Variants in CEP128 observed in about 807,000 individuals in gnomAD.
The protein encoded by CEP128 is centrosomal protein 128.
In CEP128, 132 loss-of-function variants were observed where a neutral mutation model predicts 156.7. That is an observed-to-expected ratio of 0.84 (90% CI 0.73 to 0.97). The LOEUF is 0.97. Ranked by LOEUF, CEP128 falls within the 50% of genes least tolerant of loss-of-function variation. The pLI, the probability that CEP128 is intolerant of heterozygous loss-of-function variation, is 0.00. For synonymous variants in CEP128, 469 were observed against 448.9 expected, an observed-to-expected ratio of 1.04 and a Z score of -0.57; for missense variants, 1,252 against 1,281.9, an observed-to-expected ratio of 0.98 and a Z score of 0.36.
At position 80,510,373 on chromosome 14, in the gene CEP128, C is replaced by T. The variant is rs571008950; in HGVS notation, c.3073-5353G>A. The stretch of plus-strand genomic sequence containing the variant: ...TGTCTATTCCTAGGTATCTTCTTTG[C>T]GGGTATTGTAAATAGGATTCCTTTT... On this transcript the variant is annotated intron_variant, in intron 23 of 24. Transcript: ENST00000555265. Among the ~76,000 whole-genome samples the T allele has an allele frequency of 3.4e-4, 52 of 152,072 alleles. No homozygotes were observed. The South Asian group carries it at 6.8e-3, about 20-fold the overall frequency.
At chr14:80,621,616 T>C (rs1393209528) in intron 19 of CEP128, among the ~76,000 whole-genome samples, 3 of 152,260 alleles carry the variant, frequency 2.0e-5, no homozygotes, top group East Asian at 1.9e-4. Flanking sequence ...ATTAGAAAAT[T>C]AGAAAGACTA....
intron 19 of CEP128, among the ~76,000 whole-genome samples, chr14:80,592,671 C>T (rs1022987669): frequency 3.9e-5 from 6 of 152,134 alleles, no homozygotes; most frequent in Admixed American, 6.5e-5. Flanking sequence ...CATCCTGATA[C>T]GAAAACCAGG....
chr14:80,561,063 C>A (rs949962622), intron 20 of CEP128, among the ~76,000 whole-genome samples: 2 of 152,192 alleles, frequency 1.3e-5, no homozygotes, highest in Admixed American at 6.5e-5. Context: ...TTGGCCCCTA[C>A]TGGCATTCTC....
At chr14:80,722,736 G>C (rs1326558185) in intron 19 of CEP128, among the ~76,000 whole-genome samples, 1 of 151,114 alleles carries the variant, frequency 6.6e-6, no homozygotes, top group Non-Finnish European at 1.5e-5. Flanking sequence ...ATACCCAACT[G>C]ACAATTAAGC....
At chr14:80,637,146 A>G (rs1219240710) in intron 19 of CEP128, among the ~76,000 whole-genome samples, 1 of 152,038 alleles carries the variant, frequency 6.6e-6, no homozygotes, top group East Asian at 1.9e-4. Context: ...GCCTGCTTAA[A>G]ACCCTGCAAT....
upstream of CEP128, among the ~76,000 whole-genome samples, chr14:80,946,695 G>A (rs17111270): frequency 0.54 from 81,611 of 151,960 alleles, 22,568 homozygotes; most frequent in East Asian, 0.68. Flanking sequence ...AAGAAGCTGT[G>A]GGTGGCAGAC....
chr14:80,672,641 T>C (rs1895890571), intron 19 of CEP128, among the ~76,000 whole-genome samples: 3 of 152,210 alleles, frequency 2.0e-5, no homozygotes, highest in Admixed American at 1.3e-4. Context: ...CACATATTCA[T>C]GCCTATTAAA....
At chr14:80,674,372 T>C (rs1003762344) in intron 19 of CEP128, among the ~76,000 whole-genome samples, 5 of 152,180 alleles carry the variant, frequency 3.3e-5, no homozygotes, top group Non-Finnish European at 5.9e-5. Context: ...ATCACATTAT[T>C]ATAATGCTTT....
intron 2 of CEP128, among the ~76,000 whole-genome samples, chr14:80,956,914 CA>C (rs1594885920): frequency 6.6e-6 from 1 of 152,146 alleles, no homozygotes; most frequent in Non-Finnish European, 1.5e-5. Context: ...ATGCTGCCAC[CA>C]CAGAATAAGA....
chr14:80,658,222 T>C (rs1263321099), intron 19 of CEP128, among the ~76,000 whole-genome samples: 1 of 152,200 alleles, frequency 6.6e-6, no homozygotes, highest in African/African-American at 2.4e-5. Context: ...ATGGCAACTA[T>C]GGAAGGATTA....
chr14:80,683,373 G>A (rs190740689), intron 19 of CEP128, among the ~76,000 whole-genome samples: 1 of 152,088 alleles, frequency 6.6e-6, no homozygotes, highest in East Asian at 1.9e-4. Flanking sequence ...TGACAAAGAA[G>A]GATGGTACAT....
At chr14:80,876,597 C>CA (rs11419599) in intron 8 of CEP128, among the ~76,000 whole-genome samples, 69,858 of 135,788 alleles carry the variant, frequency 0.51, 17,331 homozygotes, top group African/African-American at 0.58. Context: ...ACTCCCATTT[C>CA]AAAAAAAAAA....
chr14:80,950,148 G>A (rs1458391274), intron 2 of CEP128, among the ~76,000 whole-genome samples: 1 of 152,108 alleles, frequency 6.6e-6, no homozygotes, highest in Non-Finnish European at 1.5e-5. Flanking sequence ...TGACAGAGGA[G>A]AGATTGCAGT....
chr14:80,790,604 G>A lies in CEP128; in HGVS notation c.1560+2156C>T, dbSNP rs192749298. 1.1e-4 allele frequency among the ~76,000 whole-genome samples: 17 copies of A among 151,592 alleles called. No individual in the cohort carries two copies. In the East Asian group the frequency reaches 3.3e-3, roughly 29 times the overall value. On this transcript the variant is annotated intron_variant, in intron 14 of 24. Transcript: ENST00000555265. ...TTTTTTTTCCCCTGCAGTGATACGC[G>A]ATTTGATATTACACATCCTTCAGTA...
intron 14 of CEP128, 78 bp from the exon 15 acceptor site, chr14:80,785,623 A>G: frequency 9.4e-7 from 1 of 1,060,566 alleles, no homozygotes; most frequent in Non-Finnish European, 1.3e-6. Flanking sequence ...GCCAGTCAGC[A>G]AAACAATGTT....
intron 13 of CEP128, among the ~76,000 whole-genome samples, chr14:80,807,712 C>G (rs1479961633): frequency 6.6e-6 from 1 of 152,216 alleles, no homozygotes; most frequent in Non-Finnish European, 1.5e-5. Flanking sequence ...CGTAAGGGCC[C>G]TGCACCAGAC....
chr14:80,859,471 G>A (rs1319029053), intron 9 of CEP128, among the ~76,000 whole-genome samples: 17 of 151,314 alleles, frequency 1.1e-4, no homozygotes, highest in Admixed American at 7.2e-4. Context: ...TGGGTGCAGC[G>A]CAGCAGCATG....
intron 21 of CEP128, among the ~76,000 whole-genome samples, chr14:80,531,640 TTAGG>T (rs1285581630): frequency 1.3e-5 from 2 of 152,202 alleles, no homozygotes; most frequent in Non-Finnish European, 2.9e-5. Flanking sequence ...GCCAGACATA[TTAGG>T]TGGGTAACAG....
intron 14 of CEP128, among the ~76,000 whole-genome samples, chr14:80,790,599 T>A (rs767490774): frequency 2.0e-5 from 3 of 152,008 alleles, no homozygotes; most frequent in Admixed American, 1.3e-4. Flanking sequence ...CCTGCAGTGA[T>A]ACGCGATTTG....
Sources: allele counts gnomAD v4.1 joint callset (sites outside exome capture counted in the v4.1 genomes callset), GRCh38; gene constraint gnomAD v4.1.1; transcripts MANE v1.5; gene names NCBI Gene and HGNC (gene_info 2026-07-23, HGNC 2026-07-21).